The following SGCD variants were observed in gnomAD, a reference collection of about 807,000 sequenced individuals.
SGCD encodes the protein delta-sarcoglycan.
In SGCD, 18 loss-of-function variants were observed where a neutral mutation model predicts 36.6. The observed-to-expected ratio is 0.49, with a 90% confidence interval of 0.34 to 0.73. The LOEUF is 0.73. Ranked by LOEUF, SGCD falls within the 30% of genes least tolerant of loss-of-function variation. The pLI, the probability that SGCD is intolerant of heterozygous loss-of-function variation, is 0.01. For synonymous variants in SGCD, 133 were observed against 130.6 expected, an observed-to-expected ratio of 1.02 and a Z score of -0.12; for missense variants, 387 against 346.7, an observed-to-expected ratio of 1.12 and a Z score of -0.92.
intron 1 of SGCD, among the ~76,000 whole-genome samples, chr5:156,052,151 A>G (rs1165815588): frequency 6.8e-6 from 1 of 146,270 alleles, no homozygotes; most frequent in Non-Finnish European, 1.5e-5. Flanking sequence ...AGTTCCACCC[A>G]AGAAGAGGAG....
chr5:155,758,637 C>T, the SGCD span, among the ~76,000 whole-genome samples: 1 of 152,108 alleles, frequency 6.6e-6, no homozygotes, highest in African/African-American at 2.4e-5. Context: ...GGAGCACGAA[C>T]CGTATTGTGA....
chr5:156,625,220 T>A (rs1762396900), intron 6 of SGCD, among the ~76,000 whole-genome samples: 3 of 152,288 alleles, frequency 2.0e-5, no homozygotes, highest in African/African-American at 7.2e-5. Context: ...CTTCACTTTT[T>A]TTTTCTTGTC....
chr5:155,951,998 C>T lies in SGCD; in HGVS notation c.-282+81574C>T, dbSNP rs886956521. 2.0e-5 allele frequency among the ~76,000 whole-genome samples: 3 copies of T among 152,136 alleles called. No homozygotes were observed. In the East Asian group the frequency reaches 5.8e-4, roughly 29 times the overall value. On this transcript the variant is annotated intron_variant, in intron 1 of 9. Transcript: ENST00000517913. ...ACCCTGGTGCTGCTACTTTAGCTGC[C>T]AGAGGTTCTTTCACAGGATGAAAGG...
chr5:155,937,309 G>C (rs1433183479), intron 1 of SGCD, among the ~76,000 whole-genome samples: 1 of 152,230 alleles, frequency 6.6e-6, no homozygotes, highest in Non-Finnish European at 1.5e-5. Flanking sequence ...GCTCCAGGCA[G>C]GCCGCTGCTT....
At chr5:155,956,124 T>C (rs1218235982) in intron 1 of SGCD, among the ~76,000 whole-genome samples, 2 of 110,028 alleles carry the variant, frequency 1.8e-5, no homozygotes, top group Non-Finnish European at 3.8e-5. Flanking sequence ...TTTTTTTTTT[T>C]TCCCACCTCT....
At chr5:156,673,477 T>C (rs370546131) in intron 7 of SGCD, among the ~76,000 whole-genome samples, 18 of 152,350 alleles carry the variant, frequency 1.2e-4, no homozygotes, top group African/African-American at 4.3e-4. Flanking sequence ...AGTCCTCTTT[T>C]ACCCAGTTAT....
At chr5:156,286,605 A>G (rs1766604027) in intron 3 of SGCD, among the ~76,000 whole-genome samples, 1 of 152,276 alleles carries the variant, frequency 6.6e-6, no homozygotes, top group South Asian at 2.1e-4. Flanking sequence ...GTTCTCACTC[A>G]TAGGTGGGAA....
At chr5:155,801,515 C>T in the SGCD span, among the ~76,000 whole-genome samples, 6 of 152,296 alleles carry the variant, frequency 3.9e-5, no homozygotes, top group East Asian at 1.2e-3. Context: ...GAATTTGTTT[C>T]AAATTCTCTC....
intron 3 of SGCD, among the ~76,000 whole-genome samples, chr5:156,361,472 T>C (rs1409555841): frequency 6.6e-6 from 1 of 152,236 alleles, no homozygotes; most frequent in Admixed American, 6.5e-5. Context: ...AATACTTGTG[T>C]TGAAAAGTTG....
intron 4 of SGCD, among the ~76,000 whole-genome samples, chr5:156,558,088 A>AATAT (rs67339181): frequency 0.022 from 2,141 of 95,446 alleles, 43 homozygotes; most frequent in South Asian, 0.031. Flanking sequence ...AGTAAATACA[A>AATAT]ATATATATAT....
intron 3 of SGCD, among the ~76,000 whole-genome samples, chr5:156,297,555 A>G (rs1220407336): frequency 4.1e-5 from 6 of 145,984 alleles, no homozygotes; most frequent in South Asian, 2.2e-4. Flanking sequence ...ACCAAACACC[A>G]CATATTCTCA....
chr5:156,007,748 A>G (rs547585560), intron 1 of SGCD, among the ~76,000 whole-genome samples: 72 of 152,344 alleles, frequency 4.7e-4, no homozygotes, highest in Non-Finnish European at 9.7e-4. Context: ...TGGGGCAGAC[A>G]TGTAAGCGAC....
intron 1 of SGCD, among the ~76,000 whole-genome samples, chr5:156,036,703 G>A (rs1407449045): frequency 1.3e-5 from 2 of 152,238 alleles, no homozygotes; most frequent in Middle Eastern, 3.4e-3. Context: ...GGGCTAGCTA[G>A]GTGCCTGGAA....
intron 3 of SGCD, among the ~76,000 whole-genome samples, chr5:156,294,788 GA>G (rs1766852513): frequency 6.6e-6 from 1 of 152,040 alleles, no homozygotes; most frequent in Non-Finnish European, 1.5e-5. Flanking sequence ...TCAAATTGTT[GA>G]ATTTTGATAC....
At chr5:156,647,046 T>C (rs1428508119) in intron 6 of SGCD, among the ~76,000 whole-genome samples, 2 of 152,208 alleles carry the variant, frequency 1.3e-5, no homozygotes, top group African/African-American at 2.4e-5. Context: ...TCTAACCCAC[T>C]GCGTAGATGT....
chr5:156,577,658 A>G (rs147791143), intron 4 of SGCD, among the ~76,000 whole-genome samples: 15,883 of 152,100 alleles, frequency 0.1, 1,111 homozygotes, highest in Admixed American at 0.16. Flanking sequence ...ATTTCTAGGT[A>G]TTTTATTCCC....
chr5:156,306,489 T>G (rs961400952), intron 3 of SGCD, among the ~76,000 whole-genome samples: 6 of 152,238 alleles, frequency 3.9e-5, no homozygotes, highest in Non-Finnish European at 8.8e-5. Context: ...GTTTTGGGTA[T>G]GTCTTTATCA....
intron 7 of SGCD, among the ~76,000 whole-genome samples, chr5:156,674,278 A>C (rs757580605): frequency 6.6e-6 from 1 of 152,220 alleles, no homozygotes; most frequent in Admixed American, 6.5e-5. Context: ...AGGATGATGT[A>C]TGAAGGATTC....
chr5:155,772,467 C>A, the SGCD span, among the ~76,000 whole-genome samples: 1 of 152,142 alleles, frequency 6.6e-6, no homozygotes, highest in African/African-American at 2.4e-5. Context: ...ATTGCCACTT[C>A]ATCAGGCAGA....
Sources: allele counts gnomAD v4.1 joint callset (sites outside exome capture counted in the v4.1 genomes callset), GRCh38; gene constraint gnomAD v4.1.1; transcripts MANE v1.5; gene names NCBI Gene and HGNC (gene_info 2026-07-23, HGNC 2026-07-21).